CNTNAP5: variants seen among roughly 807,000 people sequenced by gnomAD.
CNTNAP5 encodes the protein contactin associated protein family member 5, also known as contactin-associated protein-like 5.
In CNTNAP5, 72 loss-of-function variants were observed where a neutral mutation model predicts 150.2. The ratio of observed to expected loss-of-function variants is 0.48; its 90% CI spans 0.40 to 0.58. The LOEUF (loss-of-function observed/expected upper bound fraction) is 0.58, where lower values mean the gene tolerates loss of function less well. Ranked by LOEUF, CNTNAP5 falls within the 20% of genes least tolerant of loss-of-function variation. The probability of loss-of-function intolerance (pLI) is 0.00; values close to 1 mark genes in which losing one functional copy is unlikely to be tolerated. For missense variants in CNTNAP5, 1,636 were observed against 1,626.2 expected (o/e 1.01, Z -0.10); for synonymous variants, 672 against 619.8 (o/e 1.08, Z -1.25).
At chr2:124,093,218 C>T (rs185139562) in intron 1 of CNTNAP5, among the ~76,000 whole-genome samples, 6 of 152,322 alleles carry the variant, frequency 3.9e-5, no homozygotes, top group East Asian at 1.9e-4. Context: ...CATTCTGGTA[C>T]ATTCTTGCAA....
intron 14 of CNTNAP5, among the ~76,000 whole-genome samples, chr2:124,753,507 A>T (rs1410944312): frequency 6.6e-6 from 1 of 152,206 alleles, no homozygotes; most frequent in African/African-American, 2.4e-5. Flanking sequence ...ATGCTTACCA[A>T]ATTTTAACCT....
intron 13 of CNTNAP5, among the ~76,000 whole-genome samples, chr2:124,677,972 G>T (rs531811624): frequency 1.3e-5 from 2 of 151,932 alleles, no homozygotes; most frequent in Non-Finnish European, 2.9e-5. Context: ...ACACCCCCAA[G>T]AATTCTGCGT....
At chr2:124,139,415 T>G (rs1684052058) in intron 1 of CNTNAP5, among the ~76,000 whole-genome samples, 1 of 152,086 alleles carries the variant, frequency 6.6e-6, no homozygotes, top group African/African-American at 2.4e-5. Context: ...TGACGCTCCC[T>G]AAAGCAAGTC....
intron 3 of CNTNAP5, 38 bp from the exon 4 acceptor site, chr2:124,417,405 T>A: frequency 6.3e-7 from 1 of 1,594,644 alleles, no homozygotes; most frequent in South Asian, 1.1e-5. Context: ...AATTCCATGA[T>A]AGCACAGACC....
At chr2:124,428,671 G>A (rs918943397) in intron 4 of CNTNAP5, among the ~76,000 whole-genome samples, 3 of 140,812 alleles carry the variant, frequency 2.1e-5, no homozygotes, top group Non-Finnish European at 4.7e-5. Flanking sequence ...TCAGCAATCA[G>A]CATTTTTTTT....
At chr2:124,311,149 C>CT (rs1688820582) in intron 3 of CNTNAP5, among the ~76,000 whole-genome samples, 1 of 152,118 alleles carries the variant, frequency 6.6e-6, no homozygotes, top group Non-Finnish European at 1.5e-5. Context: ...TAGATTGTAT[C>CT]TTTTTTCTAG....
rs1266755404 is a variant in CNTNAP5 at position 124,504,834 on chromosome 2, G to A, written c.1327+278G>A. 2.0e-5 allele frequency among the ~76,000 whole-genome samples: 3 copies of A among 150,954 alleles called. No individual in the cohort carries two copies. In the East Asian group the frequency reaches 5.9e-4, roughly 30 times the overall value. On this transcript the variant is annotated intron_variant, in intron 8 of 23. Transcript: ENST00000682447. ...TGATTCTCCTGCCTCAGCTTCCTGA[G>A]TAGCTGGGACTACAGATGCACACCA...
chr2:124,852,611 G>A (rs751093229), intron 19 of CNTNAP5, among the ~76,000 whole-genome samples: 13 of 152,206 alleles, frequency 8.5e-5, no homozygotes, highest in Non-Finnish European at 1.3e-4. Context: ...AGTGGCATCT[G>A]GTTTATAGTG....
intron 13 of CNTNAP5, among the ~76,000 whole-genome samples, chr2:124,717,429 G>C (rs1427131726): frequency 1.3e-5 from 2 of 152,180 alleles, no homozygotes; most frequent in African/African-American, 4.8e-5. Context: ...CACCTGCCTA[G>C]AGGCATTCAA....
chr2:124,460,573 A>G (rs1285517999), intron 6 of CNTNAP5, among the ~76,000 whole-genome samples: 1 of 152,192 alleles, frequency 6.6e-6, no homozygotes, highest in African/African-American at 2.4e-5. Context: ...TTTCATTTAT[A>G]TCTATAGCAT....
intron 1 of CNTNAP5, among the ~76,000 whole-genome samples, chr2:124,109,417 G>A (rs1683246532): frequency 6.6e-6 from 1 of 152,194 alleles, no homozygotes. Context: ...TTCATGTGGG[G>A]CATGACAGAG....
intron 7 of CNTNAP5, among the ~76,000 whole-genome samples, chr2:124,489,478 G>A (rs1693968586): frequency 6.6e-6 from 1 of 152,120 alleles, no homozygotes; most frequent in Non-Finnish European, 1.5e-5. Flanking sequence ...ACTTCATGAA[G>A]TGTACTGTTT....
At chr2:124,675,053 A>G (rs1038983214) in intron 13 of CNTNAP5, among the ~76,000 whole-genome samples, 1 of 152,018 alleles carries the variant, frequency 6.6e-6, no homozygotes, top group Non-Finnish European at 1.5e-5. Flanking sequence ...AGAGTGTTGG[A>G]TTCTCAACCA....
At chr2:124,131,054 C>T (rs1683831826) in intron 1 of CNTNAP5, among the ~76,000 whole-genome samples, 1 of 152,034 alleles carries the variant, frequency 6.6e-6, no homozygotes, top group African/African-American at 2.4e-5. Context: ...GAAATTTAAA[C>T]ATTAGGGCAA....
At chr2:124,438,721 C>T (rs575956377) in intron 5 of CNTNAP5, among the ~76,000 whole-genome samples, 2 of 152,304 alleles carry the variant, frequency 1.3e-5, no homozygotes, top group East Asian at 1.9e-4. Flanking sequence ...TCAGCCAACT[C>T]ACACATATTT....
At chr2:124,674,509 C>CTCTTTCTTTCTTTCTTTCTCTT (rs1678892675) in intron 13 of CNTNAP5, among the ~76,000 whole-genome samples, 12 of 115,462 alleles carry the variant, frequency 1.0e-4, no homozygotes, top group Non-Finnish European at 2.0e-4. Flanking sequence ...TTCTTTCTTT[C>CTCTTTCTTTCTTTCTTTCTCTT]TCTTTCTTTC....
intron 14 of CNTNAP5, among the ~76,000 whole-genome samples, chr2:124,758,218 G>A (rs868441320): frequency 2.6e-5 from 4 of 151,918 alleles, no homozygotes; most frequent in Middle Eastern, 3.4e-3. Context: ...GAGTGAGGGA[G>A]GAAGTAAGAA....
intron 4 of CNTNAP5, among the ~76,000 whole-genome samples, chr2:124,419,152 A>AAAACAAAAAAC (rs1692013338): frequency 8.3e-6 from 1 of 120,996 alleles, no homozygotes; most frequent in Non-Finnish European, 1.8e-5. Flanking sequence ...AAAAAAAAAA[A>AAAACAAAAAAC]AAAAAAAAAA....
chr2:124,523,742 C>T (rs1394160305), intron 8 of CNTNAP5, among the ~76,000 whole-genome samples: 1 of 152,118 alleles, frequency 6.6e-6, no homozygotes, highest in Non-Finnish European at 1.5e-5. Context: ...ACAATGTCTC[C>T]TAATTAGTAT....
Sources: allele counts gnomAD v4.1 joint callset (sites outside exome capture counted in the v4.1 genomes callset), GRCh38; gene constraint gnomAD v4.1.1; transcripts MANE v1.5; gene names NCBI Gene and HGNC (gene_info 2026-07-23, HGNC 2026-07-21).